The following GDAP1 variants were observed in gnomAD, a reference collection of about 807,000 sequenced individuals.
The protein encoded by GDAP1 is ganglioside-induced differentiation-associated protein 1.
In GDAP1, 34 loss-of-function variants were observed where a neutral mutation model predicts 40.1. The observed-to-expected ratio is 0.85, with a 90% CI of 0.64 to 1.13. The LOEUF (loss-of-function observed/expected upper bound fraction) is 1.13, where lower values mean the gene tolerates loss of function less well. Among genes scored for constraint, GDAP1 ranks in the 50% most tolerant of loss-of-function variants. The pLI is 0.00. For missense variants in GDAP1, 374 were observed against 433.7 expected (o/e 0.86, Z 1.22); for synonymous variants, 170 against 157.4 (o/e 1.08, Z -0.60).
chr8:74,356,936 C>T lies in GDAP1; in HGVS notation c.311-3201C>T, dbSNP rs113437055. 5.6e-3 allele frequency among the ~76,000 whole-genome samples: 858 copies of T among 151,980 alleles called. 8 individuals carry two copies. The highest frequency in any genetic ancestry group is 0.02 in the African/African-American group (808 of 41,434). On this transcript the variant is annotated intron_variant, in intron 2 of 5. Transcript: ENST00000220822. ...CACCATGTTGGCCGGGATGGTCTCT[C>T]GATCTCCTGACCTCGTGATCTGCCT... is the stretch of plus-strand genomic sequence containing the variant.
intron 2 of GDAP1, among the ~76,000 whole-genome samples, chr8:74,434,162 G>T (rs946953048): frequency 3.9e-5 from 6 of 152,300 alleles, no homozygotes; most frequent in African/African-American, 1.4e-4. Context: ...GTGGCCCTGG[G>T]AACCCACTGG....
Position 74,365,455 on chromosome 8 carries a change from C to T in GDAP1, c.*1088C>T, listed in dbSNP as rs528273703. 4 of 453,378 alleles carry T rather than the reference C, an allele frequency of 8.8e-6. No homozygotes were observed. The highest frequency in any genetic ancestry group is 8.0e-5 in the African/African-American group (4 of 49,786). The allele number at this position is 453,378 out of a possible 1,614,324, so 28.1% of individuals were successfully genotyped here. A position where few individuals can be genotyped will look rare whatever the true frequency, so the allele number is the denominator to read the frequency against. On this transcript the variant is annotated 3_prime_UTR_variant, in exon 6 of 6. Transcript: ENST00000220822. ...GTGGAAGGGACAGTCTCGGTGTGTC[C>T]CATGAATAACCTTGGAACTGCAACA...
chr8:74,483,536 G>A (rs1806739040), intron 2 of GDAP1, among the ~76,000 whole-genome samples: 1 of 152,110 alleles, frequency 6.6e-6, no homozygotes, highest in Non-Finnish European at 1.5e-5. Context: ...TAAGCCATCT[G>A]TGCATTGGCA....
intron 2 of GDAP1, among the ~76,000 whole-genome samples, chr8:74,444,789 A>G (rs954108804): frequency 7.9e-5 from 12 of 152,226 alleles, no homozygotes; most frequent in Admixed American, 6.5e-4. Context: ...AAATACTTAA[A>G]TCAGACTACA....
At chr8:74,477,661 T>C (rs1806648464) in intron 2 of GDAP1, among the ~76,000 whole-genome samples, 1 of 152,102 alleles carries the variant, frequency 6.6e-6, no homozygotes, top group Non-Finnish European at 1.5e-5. Flanking sequence ...CCTGCTGTGT[T>C]GGAGGGGCCC....
intron 2 of GDAP1, among the ~76,000 whole-genome samples, chr8:74,436,203 A>T (rs933733388): frequency 2.0e-5 from 3 of 152,144 alleles, no homozygotes; most frequent in Admixed American, 1.3e-4. Flanking sequence ...TCTTTAATAC[A>T]TGGCTCTGTC....
chr8:74,455,206 CA>C (rs745739860), intron 2 of GDAP1, among the ~76,000 whole-genome samples: 1 of 151,830 alleles, frequency 6.6e-6, no homozygotes, highest in Non-Finnish European at 1.5e-5. Context: ...CTTTTCTTTG[CA>C]AAATGAAAGT....
At chr8:74,481,437 G>T (rs1420528403) in intron 2 of GDAP1, among the ~76,000 whole-genome samples, 2 of 152,118 alleles carry the variant, frequency 1.3e-5, no homozygotes, top group Admixed American at 1.3e-4. Flanking sequence ...GACTATGTTG[G>T]CCTTATCTTG....
At chr8:74,403,820 A>T (rs979570428) in intron 2 of GDAP1, among the ~76,000 whole-genome samples, 1 of 150,038 alleles carries the variant, frequency 6.7e-6, no homozygotes, top group Non-Finnish European at 1.5e-5. Flanking sequence ...TTTTGTTAAG[A>T]CTCAACTGAG....
At chr8:74,456,753 A>G (rs1227525991) in intron 2 of GDAP1, among the ~76,000 whole-genome samples, 1 of 151,998 alleles carries the variant, frequency 6.6e-6, no homozygotes, top group African/African-American at 2.4e-5. Flanking sequence ...AATACTCATG[A>G]TACTGAAATA....
At chr8:74,439,421 G>A (rs1806133527) in intron 2 of GDAP1, among the ~76,000 whole-genome samples, 2 of 151,938 alleles carry the variant, frequency 1.3e-5, no homozygotes, top group African/African-American at 4.8e-5. Context: ...TTTCGTATGT[G>A]TGTAGGTCTA....
chr8:74,444,798 C>T, intron 2 of GDAP1, among the ~76,000 whole-genome samples: 1 of 152,198 alleles, frequency 6.6e-6, no homozygotes, highest in East Asian at 1.9e-4. Context: ...AATCAGACTA[C>T]AAATTAGATT....
Position 74,376,013 on chromosome 8 carries a change from A to G in GDAP1, c.165+24692A>G, listed in dbSNP as rs1282123416. ...GAATGAAGTGAAAAATTCCTTTTGT[A>G]GTACACCAAAAAAGGTAAAACACTA... On this transcript the variant is annotated intron_variant, in intron 2 of 2. Coordinates refer to the GDAP1 transcript ENST00000523640. Among the ~76,000 whole-genome samples, 3 of 152,230 alleles carry G rather than the reference A, an allele frequency of 2.0e-5. No homozygotes were observed. In the East Asian group the frequency reaches 5.8e-4, roughly 29 times the overall value.
intron 2 of GDAP1, among the ~76,000 whole-genome samples, chr8:74,392,756 C>G (rs1810132562): frequency 6.6e-6 from 1 of 152,170 alleles, no homozygotes; most frequent in South Asian, 2.1e-4. Flanking sequence ...GAGGGCAACA[C>G]AAATCTCAGT....
intron 2 of GDAP1, among the ~76,000 whole-genome samples, chr8:74,446,768 A>G (rs953496853): frequency 6.6e-6 from 1 of 152,202 alleles, no homozygotes; most frequent in African/African-American, 2.4e-5. Flanking sequence ...AACAAGATGA[A>G]ATTTGAGGGC....
At chr8:74,396,354 T>TA (rs1554551428) in intron 2 of GDAP1, among the ~76,000 whole-genome samples, 13 of 151,150 alleles carry the variant, frequency 8.6e-5, no homozygotes, top group African/African-American at 1.9e-4. Context: ...TTCCTTTTAT[T>TA]TTATTATTAT....
At chr8:74,409,721 G>A (rs1805684532) in intron 2 of GDAP1, among the ~76,000 whole-genome samples, 1 of 149,914 alleles carries the variant, frequency 6.7e-6, no homozygotes, top group African/African-American at 2.5e-5. Context: ...AAACTTACCA[G>A]GTTATTGCAT....
At chr8:74,467,881 T>G (rs1806493932) in intron 2 of GDAP1, among the ~76,000 whole-genome samples, 1 of 152,230 alleles carries the variant, frequency 6.6e-6, no homozygotes, top group Non-Finnish European at 1.5e-5. Flanking sequence ...TATGTTTTCT[T>G]CTGTTACTTT....
intron 2 of GDAP1, among the ~76,000 whole-genome samples, chr8:74,449,043 T>C (rs1806266288): frequency 6.6e-6 from 1 of 151,996 alleles, no homozygotes. Context: ...TGAAGGAGGC[T>C]CCAAGGTTTA....
Sources: allele counts gnomAD v4.1 joint callset (sites outside exome capture counted in the v4.1 genomes callset), GRCh38; gene constraint gnomAD v4.1.1; transcripts MANE v1.5; gene names NCBI Gene and HGNC (gene_info 2026-07-23, HGNC 2026-07-21).